CYP2C19: variants seen among roughly 807,000 people sequenced by gnomAD.
The protein encoded by CYP2C19 is cytochrome P450 2C19.
A neutral mutation model predicts 40.9 loss-of-function variants in CYP2C19; 59 were observed. That is an observed-to-expected ratio of 1.44 (90% CI 1.17 to 1.79). The LOEUF is 1.79. Among genes scored for constraint, CYP2C19 ranks in the 40% most tolerant of loss-of-function variants. The probability of loss-of-function intolerance (pLI) is 0.00; values close to 1 mark genes in which losing one functional copy is unlikely to be tolerated. For synonymous variants in CYP2C19, 253 were observed against 208.7 expected, an observed-to-expected ratio of 1.21 and a Z score of -1.83; for missense variants, 754 against 596.9, an observed-to-expected ratio of 1.26 and a Z score of -2.74.
At chr10:94,824,073 A>G (rs1849171974) in intron 6 of CYP2C19, among the ~76,000 whole-genome samples, 1 of 152,234 alleles carries the variant, frequency 6.6e-6, no homozygotes, top group Non-Finnish European at 1.5e-5. Context: ...AACTTGGGAA[A>G]CAGAAAATTA....
chr10:94,829,505 T>C (rs1172714695), intron 6 of CYP2C19, among the ~76,000 whole-genome samples: 1 of 152,230 alleles, frequency 6.6e-6, no homozygotes, highest in African/African-American at 2.4e-5. Context: ...TTCAGCTCCA[T>C]AAGCTCCTTT....
intron 1 of CYP2C19, chr10:94,774,558 GCTTTTACTA>G: frequency 1.8e-5 from 3 of 167,314 alleles, no homozygotes; most frequent in South Asian, 1.5e-4. Flanking sequence ...ATAGAGAGGT[GCTTTTACTA>G]TAAATGCTAT....
At chr10:94,798,503 A>T (rs1348136742) in intron 5 of CYP2C19, among the ~76,000 whole-genome samples, 1 of 152,176 alleles carries the variant, frequency 6.6e-6, no homozygotes, top group African/African-American at 2.4e-5. Flanking sequence ...GATGTCTATC[A>T]GGTCCACTTG....
At position 94,786,358 on chromosome 10, in the gene CYP2C19, A is replaced by T. The variant is rs114537694; in HGVS notation, c.819+4361A>T. Among the ~76,000 whole-genome samples, 1,277 of 152,218 alleles carry T rather than the reference A, an allele frequency of 8.4e-3. 23 individuals are homozygous for T. Among genetic ancestry groups the T allele is most frequent in the East Asian group, 0.062 (320 of 5,186 alleles). On this transcript the variant is annotated intron_variant, in intron 5 of 8. Coordinates refer to ENST00000371321, the MANE Select transcript of CYP2C19 (RefSeq NM_000769.4). Reference sequence around the variant, plus strand: ...CCATCTTAACAATATTAAGTCTTCCAATCCTGGAACATTGAAGAGTTTTCA... The same window carrying T: ...CCATCTTAACAATATTAAGTCTTCCTATCCTGGAACATTGAAGAGTTTTCA...
chr10:94,776,951 C>T (rs7068577), intron 3 of CYP2C19, among the ~76,000 whole-genome samples: 30,337 of 152,048 alleles, frequency 0.2, 3,246 homozygotes, highest in Middle Eastern at 0.23. Context: ...AATTCAGCAA[C>T]GTCTCAGGAT....
At chr10:94,841,677 T>C (rs990140905) in intron 6 of CYP2C19, among the ~76,000 whole-genome samples, 1 of 152,234 alleles carries the variant, frequency 6.6e-6, no homozygotes, top group Non-Finnish European at 1.5e-5. Flanking sequence ...CCCCTAGGTT[T>C]TGGTATGTTA....
chr10:94,849,097 A>G (rs1299774156), intron 7 of CYP2C19, among the ~76,000 whole-genome samples: 1 of 152,202 alleles, frequency 6.6e-6, no homozygotes, highest in Non-Finnish European at 1.5e-5. Flanking sequence ...AGCCCTGTCC[A>G]GAACTTCCAA....
At chr10:94,803,917 C>A (rs751150413) in intron 5 of CYP2C19, among the ~76,000 whole-genome samples, 1 of 152,022 alleles carries the variant, frequency 6.6e-6, no homozygotes, top group Non-Finnish European at 1.5e-5. Context: ...GCAGAGAGGG[C>A]CCCCTTGCAC....
intron 5 of CYP2C19, among the ~76,000 whole-genome samples, chr10:94,801,877 G>T (rs1186930772): frequency 6.6e-6 from 1 of 152,192 alleles, no homozygotes; most frequent in Non-Finnish European, 1.5e-5. Context: ...CTTCAGAAAT[G>T]AAGCTGTGGA....
intron 5 of CYP2C19, among the ~76,000 whole-genome samples, chr10:94,811,889 T>C (rs1303133734): frequency 6.6e-6 from 1 of 152,124 alleles, no homozygotes; most frequent in African/African-American, 2.4e-5. Context: ...AAGGTTAATA[T>C]TGTGTGTGGA....
intron 6 of CYP2C19, among the ~76,000 whole-genome samples, chr10:94,821,633 C>A (rs768444301): frequency 5.9e-5 from 9 of 152,052 alleles, no homozygotes; most frequent in African/African-American, 1.2e-4. Flanking sequence ...AACAACTTTA[C>A]TTTAGAAATT....
At chr10:94,775,967 GCTTTTATTTAATT>G (rs1159230990) in intron 3 of CYP2C19, 3 of 209,300 alleles carry the variant, frequency 1.4e-5, no homozygotes, top group African/African-American at 7.0e-5. Context: ...AATGGCATGT[GCTTTTATTTAATT>G]GGACTATGTT....
intron 5 of CYP2C19, among the ~76,000 whole-genome samples, chr10:94,803,299 G>T (rs1848790741): frequency 6.6e-6 from 1 of 151,992 alleles, no homozygotes; most frequent in Non-Finnish European, 1.5e-5. Context: ...AAAGTATGTT[G>T]GGTAGGGTCT....
chr10:94,765,361 G>T (rs1311986104), intron 1 of CYP2C19, among the ~76,000 whole-genome samples: 1 of 152,058 alleles, frequency 6.6e-6, no homozygotes, highest in Non-Finnish European at 1.5e-5. Context: ...TTAGTGGGAA[G>T]GCAGATATAG....
chr10:94,796,511 GC>G (rs1333089820), intron 5 of CYP2C19, among the ~76,000 whole-genome samples: 8 of 152,234 alleles, frequency 5.3e-5, no homozygotes, highest in Admixed American at 5.2e-4. Flanking sequence ...CTTTAAAGTA[GC>G]TTTTTCCAAT....
intron 8 of CYP2C19, 63 bp downstream of exon 8, chr10:94,850,121 A>T: frequency 6.3e-7 from 1 of 1,576,160 alleles, no homozygotes. Flanking sequence ...ATCAGTTGGA[A>T]CTTACATGTG....
intron 1 of CYP2C19, among the ~76,000 whole-genome samples, chr10:94,763,841 C>T (rs1421933931): frequency 2.0e-5 from 3 of 152,046 alleles, no homozygotes; most frequent in Non-Finnish European, 2.9e-5. Context: ...AGCCACGGAC[C>T]CTCGTGGTGA....
chr10:94,840,159 T>G (rs569189134), intron 6 of CYP2C19, among the ~76,000 whole-genome samples: 5 of 152,292 alleles, frequency 3.3e-5, no homozygotes, highest in East Asian at 1.9e-4. Context: ...TTATTTACAC[T>G]GACAACAAAG....
intron 5 of CYP2C19, among the ~76,000 whole-genome samples, chr10:94,820,159 A>G (rs997440942): frequency 9.2e-5 from 14 of 152,008 alleles, no homozygotes; most frequent in Admixed American, 6.5e-5. Flanking sequence ...ATCTCAATAG[A>G]TGCAGAAAAA....
Sources: allele counts gnomAD v4.1 joint callset (sites outside exome capture counted in the v4.1 genomes callset), GRCh38; gene constraint gnomAD v4.1.1; transcripts MANE v1.5; gene names NCBI Gene and HGNC (gene_info 2026-07-23, HGNC 2026-07-21).